The following CECR2 variants were observed in gnomAD, a reference collection of about 807,000 sequenced individuals.
The protein encoded by CECR2 is chromatin remodeling regulator CECR2.
CECR2 carries 30 observed loss-of-function variants against 154.5 expected under a neutral mutation model. The observed-to-expected ratio is 0.19, with a 90% CI of 0.15 to 0.26. The LOEUF (loss-of-function observed/expected upper bound fraction) is 0.26, where lower values mean the gene tolerates loss of function less well. Among genes scored for constraint, CECR2 ranks in the 10% least tolerant of loss-of-function variants. The pLI, the probability that CECR2 is intolerant of heterozygous loss-of-function variation, is 1.00. For synonymous variants in CECR2, 725 were observed against 683.7 expected, an observed-to-expected ratio of 1.06 and a Z score of -0.94; for missense variants, 1,743 against 1,829.3, an observed-to-expected ratio of 0.95 and a Z score of 0.86.
intron 2 of CECR2, among the ~76,000 whole-genome samples, chr22:17,490,306 T>A (rs1222350031): frequency 2.0e-5 from 3 of 152,190 alleles, no homozygotes; most frequent in Non-Finnish European, 4.4e-5. Flanking sequence ...TATATAGTCC[T>A]GGGAAGTTGT....
At chr22:17,508,976 C>T (rs901774233) in intron 7 of CECR2, among the ~76,000 whole-genome samples, 7 of 152,114 alleles carry the variant, frequency 4.6e-5, no homozygotes, top group African/African-American at 1.4e-4. Flanking sequence ...GGGCCAGGGA[C>T]GTGGTGGCTC....
At chr22:17,530,892 T>G (rs541318896) in intron 9 of CECR2, among the ~76,000 whole-genome samples, 8 of 152,134 alleles carry the variant, frequency 5.3e-5, no homozygotes, top group Non-Finnish European at 1.2e-4. Context: ...GACAAATGTT[T>G]TGTACTAGAG....
chr22:17,372,249 T>C (rs1304447815), intron 1 of CECR2, among the ~76,000 whole-genome samples: 2 of 152,252 alleles, frequency 1.3e-5, no homozygotes, highest in Non-Finnish European at 2.9e-5. Context: ...GCAGTTTTTG[T>C]CTAATCCATC....
At chr22:17,500,816 C>T (rs1264850867) in intron 5 of CECR2, 81 bp downstream of exon 5, 12 of 1,043,192 alleles carry the variant, frequency 1.2e-5, no homozygotes, top group Non-Finnish European at 1.4e-5. Flanking sequence ...TTTATTTTGC[C>T]TGTGCCATGG....
At chr22:17,393,357 C>A (rs1206630747) in intron 1 of CECR2, among the ~76,000 whole-genome samples, 1 of 152,038 alleles carries the variant, frequency 6.6e-6, no homozygotes, top group Non-Finnish European at 1.5e-5. Context: ...TATATAATTC[C>A]TTTTTATAGC....
chr22:17,434,641 C>T (rs921653503), intron 1 of CECR2, among the ~76,000 whole-genome samples: 4 of 150,274 alleles, frequency 2.7e-5, no homozygotes, highest in Admixed American at 2.0e-4. Flanking sequence ...TTTTTATGCC[C>T]GCACCCCCCC....
upstream of CECR2, among the ~76,000 whole-genome samples, chr22:17,366,262 C>T (rs1407923034): frequency 6.6e-6 from 1 of 152,194 alleles, no homozygotes; most frequent in Non-Finnish European, 1.5e-5. Context: ...GATCTCCGCT[C>T]ACTGCAACCT....
chr22:17,471,604 C>T (rs1020971795), intron 1 of CECR2, among the ~76,000 whole-genome samples: 11 of 151,254 alleles, frequency 7.3e-5, no homozygotes, highest in African/African-American at 2.2e-4. Flanking sequence ...GGTGTGATCT[C>T]GGCTCACTGC....
chr22:17,361,841 A>G (rs737915), intron 1 of CECR2, among the ~76,000 whole-genome samples: 47,045 of 151,836 alleles, frequency 0.31, 8,132 homozygotes, highest in South Asian at 0.42. Flanking sequence ...AGCATTTATT[A>G]TGATCAATTA....
At chr22:17,371,501 G>C (rs1386951788) in intron 1 of CECR2, among the ~76,000 whole-genome samples, 1 of 152,210 alleles carries the variant, frequency 6.6e-6, no homozygotes, top group Non-Finnish European at 1.5e-5. Context: ...AAGAGAAACA[G>C]AGACACGGAA....
At chr22:17,451,017 C>A (rs186750223) in intron 1 of CECR2, among the ~76,000 whole-genome samples, 1 of 152,230 alleles carries the variant, frequency 6.6e-6, no homozygotes, top group East Asian at 1.9e-4. Flanking sequence ...CGTGTCAGAG[C>A]CTGACCTGCT....
chr22:17,512,721 AAAAGAAAG>A (rs538706870), intron 8 of CECR2, among the ~76,000 whole-genome samples: 4 of 129,486 alleles, frequency 3.1e-5, no homozygotes, highest in African/African-American at 1.3e-4. Flanking sequence ...AAAAAAAAAA[AAAAGAAAG>A]AAAGAAAAGA....
In CECR2 at chr22:17,504,935, G is replaced by A; in HGVS notation, c.789G>A (p.Arg263=). 6.2e-7 allele frequency: 1 copy of A among 1,613,680 alleles called. No individual in the cohort carries two copies. The highest frequency in any genetic ancestry group is 8.5e-7 in the Non-Finnish European group (1 of 1,179,828). ...WRQVTESFRE[R]TSLRERQLYK... is the part of the protein sequence containing the mutation. ...AGGTCACCGAGAGTTTTCGCGAGAGGACCTCCCTTCGAGAACGGCAGCTCT... is the reference window on the plus strand; with the variant it reads ...AGGTCACCGAGAGTTTTCGCGAGAGAACCTCCCTTCGAGAACGGCAGCTCT... Residue 263 remains arginine (R), a synonymous_variant, in exon 7 of 19, where the codon AGG becomes AGA. Transcript: ENST00000262608.
intron 16 of CECR2, among the ~76,000 whole-genome samples, chr22:17,547,333 C>T (rs1403780164): frequency 6.6e-6 from 1 of 151,858 alleles, no homozygotes; most frequent in Admixed American, 6.6e-5. Flanking sequence ...GGGTTCACGC[C>T]ATTCTCCTGC....
At chr22:17,541,794 G>A (rs767050879) in intron 14 of CECR2, 45 bp from the exon 15 acceptor site, 3 of 1,573,552 alleles carry the variant, frequency 1.9e-6, no homozygotes, top group Non-Finnish European at 2.6e-6. Context: ...CCTAAAGTCT[G>A]TGCCTTTCCT....
chr22:17,516,472 A>G (rs2056058325), intron 8 of CECR2, among the ~76,000 whole-genome samples: 1 of 152,160 alleles, frequency 6.6e-6, no homozygotes, highest in African/African-American at 2.4e-5. Flanking sequence ...GTCCCCACCC[A>G]GAGCTCATCT....
Position 17,376,864 on chromosome 22 carries a change from C to T in CECR2, c.126+6955C>T, listed in dbSNP as rs180884066. 2.0e-5 allele frequency among the ~76,000 whole-genome samples: 3 copies of T among 152,210 alleles called. No homozygotes were observed. The East Asian group carries it at 5.8e-4, about 29-fold the overall frequency. On this transcript the variant is annotated intron_variant, in intron 1 of 18. Transcript: ENST00000262608. ...TGTTGGCCAGGCTGGTCTCAAACTC[C>T]TGACCTCGTGATCCACCCTCCTCGG... is the stretch of plus-strand genomic sequence containing the variant.
intron 1 of CECR2, among the ~76,000 whole-genome samples, chr22:17,445,546 AT>A (rs2054646400): frequency 2.6e-4 from 6 of 22,862 alleles, no homozygotes; most frequent in Non-Finnish European, 3.5e-4. Flanking sequence ...TCTATACTTT[AT>A]TATTATTATT....
At position 17,437,245 on chromosome 22, in the gene CECR2, C is replaced by G. The variant is rs572950020; in HGVS notation, c.127-40343C>G. Among the ~76,000 whole-genome samples the G allele has an allele frequency of 2.0e-5, 3 of 152,212 alleles. No homozygotes were observed. In the South Asian group the frequency reaches 6.2e-4, roughly 32 times the overall value. On this transcript the variant is annotated intron_variant, in intron 1 of 18. Coordinates refer to ENST00000262608, the MANE Select transcript of CECR2 (RefSeq NM_001290047.2). ...AATTAGATACATTCCCCCTCTGCTC[C>G]CAGACGTCTCCATCTCCTCATCCCC...
Sources: gnomAD v4.1 joint callset for allele counts (sites outside exome capture counted in the v4.1 genomes callset) on GRCh38, gnomAD v4.1.1 for gene constraint, MANE v1.5 for transcripts, NCBI Gene and HGNC (gene_info 2026-07-23, HGNC 2026-07-21) for gene names.